ANKS1B: variants seen among roughly 807,000 people sequenced by gnomAD.
ANKS1B encodes ankyrin repeat and sterile alpha motif domain-containing protein 1B.
Under a neutral mutation model 148.3 loss-of-function variants are expected in ANKS1B, and 36 were observed. The ratio of observed to expected loss-of-function variants is 0.24; its 90% CI spans 0.19 to 0.32. The LOEUF (loss-of-function observed/expected upper bound fraction) is 0.32. Among genes scored for constraint, ANKS1B ranks in the 10% least tolerant of loss-of-function variants. The probability of loss-of-function intolerance (pLI) is 1.00; values close to 1 mark genes in which losing one functional copy is unlikely to be tolerated. For synonymous variants in ANKS1B, 542 were observed against 560.8 expected (o/e 0.97, Z 0.47); for missense variants, 1,157 against 1,542.6 (o/e 0.75, Z 4.19).
rs12312249 is a variant in ANKS1B, at chr12:99,892,288, C to A, written c.135-66899G>T. 5.1e-3 allele frequency among the ~76,000 whole-genome samples: 775 copies of A among 152,298 alleles called. 10 individuals are homozygous for A. The highest frequency in any genetic ancestry group is 0.017 in the African/African-American group (726 of 41,546). On this transcript the variant is annotated intron_variant, in intron 1 of 26. Transcript: ENST00000683438. ...AAAGCGCTAGGATTACAGGCATGAGCCACCATGCCCAGCCCACAATAGGTT... is the reference window on the plus strand; with the variant it reads ...AAAGCGCTAGGATTACAGGCATGAGACACCATGCCCAGCCCACAATAGGTT...
At chr12:99,239,149 C>G (rs2088684041) in intron 14 of ANKS1B, among the ~76,000 whole-genome samples, 2 of 152,094 alleles carry the variant, frequency 1.3e-5, no homozygotes, top group African/African-American at 4.8e-5. Context: ...TAACCCATCT[C>G]AAGGAAGCTA....
chr12:99,092,156 T>A (rs1252030650), intron 15 of ANKS1B, among the ~76,000 whole-genome samples: 1 of 152,086 alleles, frequency 6.6e-6, no homozygotes, highest in African/African-American at 2.4e-5. Flanking sequence ...TAGTTTCTAG[T>A]CTAAACGTTC....
At chr12:99,542,826 C>T (rs1287223053) in intron 9 of ANKS1B, among the ~76,000 whole-genome samples, 1 of 151,954 alleles carries the variant, frequency 6.6e-6, no homozygotes, top group Non-Finnish European at 1.5e-5. Context: ...ATATAATGTA[C>T]AAAAATGAAC....
intron 8 of ANKS1B, among the ~76,000 whole-genome samples, chr12:99,719,191 C>A (rs1419461896): frequency 6.6e-6 from 1 of 152,176 alleles, no homozygotes; most frequent in Admixed American, 6.5e-5. Flanking sequence ...CTTAAAATCA[C>A]AAACTATGCT....
chr12:99,373,941 A>G (rs1274954419), intron 12 of ANKS1B, among the ~76,000 whole-genome samples: 1 of 152,142 alleles, frequency 6.6e-6, no homozygotes, highest in Non-Finnish European at 1.5e-5. Flanking sequence ...AAATCAATGC[A>G]TTGCTTCTTT....
chr12:99,295,844 T>C (rs2080799988), intron 12 of ANKS1B, among the ~76,000 whole-genome samples: 1 of 152,220 alleles, frequency 6.6e-6, no homozygotes. Context: ...CACTTATAAG[T>C]GAGTACATGT....
At chr12:99,191,772 C>T (rs1408948015) in intron 14 of ANKS1B, among the ~76,000 whole-genome samples, 1 of 152,080 alleles carries the variant, frequency 6.6e-6, no homozygotes, top group African/African-American at 2.4e-5. Context: ...CAGCAAACCA[C>T]CGTGGCACGT....
At chr12:99,485,650 A>T (rs934497659) in intron 10 of ANKS1B, among the ~76,000 whole-genome samples, 2 of 152,120 alleles carry the variant, frequency 1.3e-5, no homozygotes, top group Admixed American at 1.3e-4. Context: ...CTTCTCTCTC[A>T]GAAATGCCAA....
chr12:99,981,414 G>T (rs2095700827), intron 1 of ANKS1B, among the ~76,000 whole-genome samples: 1 of 152,036 alleles, frequency 6.6e-6, no homozygotes, highest in African/African-American at 2.4e-5. Flanking sequence ...GTAATCAGAA[G>T]CATCTTCAGA....
chr12:99,646,963 T>A, intron 9 of ANKS1B, among the ~76,000 whole-genome samples: 1 of 149,220 alleles, frequency 6.7e-6, no homozygotes. Context: ...AGTCAAAACA[T>A]AAAATTTATC....
intron 8 of ANKS1B, among the ~76,000 whole-genome samples, chr12:99,707,447 A>G (rs776444651): frequency 6.6e-6 from 1 of 152,148 alleles, no homozygotes; most frequent in Non-Finnish European, 1.5e-5. Context: ...GGGAAAAGTC[A>G]TAAGAGGTAA....
intron 1 of ANKS1B, among the ~76,000 whole-genome samples, chr12:99,938,467 GACA>G (rs1256525590): frequency 3.9e-5 from 6 of 152,080 alleles, no homozygotes; most frequent in Admixed American, 6.6e-5. Flanking sequence ...AAAACTATGA[GACA>G]ACAAGTACAC....
At chr12:99,383,021 T>C (rs531474140) in intron 12 of ANKS1B, among the ~76,000 whole-genome samples, 2 of 152,254 alleles carry the variant, frequency 1.3e-5, no homozygotes, top group South Asian at 2.1e-4. Context: ...TTCTACATCT[T>C]AGACATCTAC....
intron 17 of ANKS1B, among the ~76,000 whole-genome samples, chr12:98,858,961 C>G (rs1302892788): frequency 6.6e-6 from 1 of 152,142 alleles, no homozygotes; most frequent in African/African-American, 2.4e-5. Flanking sequence ...AGAAGACTTC[C>G]GGATTCTCTT....
intron 14 of ANKS1B, among the ~76,000 whole-genome samples, chr12:99,165,328 A>C (rs1287998121): frequency 3.9e-5 from 6 of 151,990 alleles, no homozygotes. Context: ...AAAATCAATG[A>C]AACCAAAAGC....
chr12:98,794,776 A>T, intron 22 of ANKS1B: 1 of 1,291,280 alleles, frequency 7.7e-7, no homozygotes, highest in Non-Finnish European at 1.1e-6. Context: ...AGAGAATTGA[A>T]GAGATCAAAC....
intron 8 of ANKS1B, among the ~76,000 whole-genome samples, chr12:99,688,522 G>A (rs760133640): frequency 2.1e-4 from 32 of 152,076 alleles, no homozygotes; most frequent in African/African-American, 7.2e-5. Context: ...GAGACTGATC[G>A]TTTTCGGAAA....
rs756929263 is a variant in ANKS1B at position 99,806,476 on chromosome 12, G to A, written c.597C>T (p.His199=). 32 of 1,613,888 alleles carry A rather than the reference G, an allele frequency of 2.0e-5. No individual in the cohort carries two copies. Among genetic ancestry groups the A allele is most frequent in the Non-Finnish European group, 2.7e-5 (32 of 1,179,894 alleles). ...CTTTGTGGCCATTGCGCGCAGCAAG[G>A]TGAAGTGGCGTGTGCTTGCGAGTGT... is the stretch of plus-strand genomic sequence containing the variant. ...SCNTRKHTPL[H]LAARNGHKAV... Residue 199 remains histidine (H), a synonymous_variant, in exon 4 of 27, where the codon CAC becomes CAT. Transcript: ENST00000683438.
At chr12:99,596,791 A>T (rs1302786237) in intron 9 of ANKS1B, among the ~76,000 whole-genome samples, 4 of 151,962 alleles carry the variant, frequency 2.6e-5, no homozygotes. Flanking sequence ...TTACTCATGT[A>T]GGTCTTTAAT....
Sources: gnomAD v4.1 joint callset for allele counts (sites outside exome capture counted in the v4.1 genomes callset) on GRCh38, gnomAD v4.1.1 for gene constraint, MANE v1.5 for transcripts, NCBI Gene and HGNC (gene_info 2026-07-23, HGNC 2026-07-21) for gene names.